Variants in SCN2A observed in about 807,000 individuals in gnomAD.
SCN2A encodes sodium voltage-gated channel alpha subunit 2, also known as sodium channel protein type 2 subunit alpha.
SCN2A carries 20 observed loss-of-function variants against 188.7 expected under a neutral mutation model. The observed-to-expected ratio is 0.11, with a 90% confidence interval of 0.07 to 0.15. The LOEUF is 0.15. SCN2A is among the 10% of genes least tolerant of loss of function. The pLI is 1.00. For synonymous variants in SCN2A, 804 were observed against 833.1 expected, an observed-to-expected ratio of 0.97 and a Z score of 0.60; for missense variants, 1,278 against 2,445.0, an observed-to-expected ratio of 0.52 and a Z score of 10.07.
In SCN2A at chr2:165,303,270, G is replaced by GTTTTTTTTTTTTTTTTT. The variant is rs71028477; in HGVS notation, c.387-4571_387-4555dup. Among the ~76,000 whole-genome samples the GTTTTTTTTTTTTTTTTT allele has an allele frequency of 4.6e-4, 42 of 91,312 alleles. 2 individuals are homozygous for GTTTTTTTTTTTTTTTTT. The highest frequency in any genetic ancestry group is 3.0e-3 in the East Asian group (8 of 2,674). 59.9% of individuals were successfully genotyped at this position (91,312 alleles called of 152,430 possible). On this transcript the variant is annotated intron_variant, in intron 3 of 26. Transcript: ENST00000375437. ...TTGTATTTGAGTTTTTGTTATTTGA[G>GTTTTTTTTTTTTTTTTT]TTTTTTTTTTTTTTTTTTTTTTTGA...
intron 14 of SCN2A, 85 bp from the exon 15 acceptor site, chr2:165,342,211 T>C (rs1160119328): frequency 7.8e-7 from 1 of 1,277,794 alleles, no homozygotes; most frequent in African/African-American, 1.5e-5. Flanking sequence ...TTAATTTATA[T>C]TTGTTGGGAG....
intron 1 of SCN2A, among the ~76,000 whole-genome samples, chr2:165,291,345 G>GTCATTCCTTCCTTCCT (rs1439152285): frequency 9.7e-6 from 1 of 102,682 alleles, no homozygotes; most frequent in African/African-American, 3.4e-5. Context: ...GGACTTGTCT[G>GTCATTCCTTCCTTCCT]TCGTTCGTTC....
At chr2:165,385,084 T>G (rs1393530084) in intron 25 of SCN2A, among the ~76,000 whole-genome samples, 1 of 152,046 alleles carries the variant, frequency 6.6e-6, no homozygotes, top group African/African-American at 2.4e-5. Context: ...CAAATACGCA[T>G]TCAGAGAAAA....
chr2:165,362,519 T>C (rs1700514493), intron 17 of SCN2A, among the ~76,000 whole-genome samples: 2 of 152,106 alleles, frequency 1.3e-5, no homozygotes, highest in Non-Finnish European at 2.9e-5. Context: ...AAATTGCTAA[T>C]TTGAACAGGC....
chr2:165,261,778 T>C (rs561941689), intron 1 of SCN2A, among the ~76,000 whole-genome samples: 4 of 152,268 alleles, frequency 2.6e-5, no homozygotes, highest in African/African-American at 9.6e-5. Context: ...GTGTTTTAGA[T>C]GGTTAAAAAA....
intron 14 of SCN2A, among the ~76,000 whole-genome samples, chr2:165,338,231 G>A (rs1314825438): frequency 6.6e-6 from 1 of 151,636 alleles, no homozygotes; most frequent in African/African-American, 2.4e-5. Context: ...TTATAACATA[G>A]GTAAGTGTAA....
At chr2:165,378,619 A>G (rs1015167298) in intron 23 of SCN2A, among the ~76,000 whole-genome samples, 1 of 151,756 alleles carries the variant, frequency 6.6e-6, no homozygotes, top group African/African-American at 2.4e-5. Context: ...AACCCTGACC[A>G]CAAATAATGG....
intron 1 of SCN2A, among the ~76,000 whole-genome samples, chr2:165,253,074 T>C (rs1339538662): frequency 6.6e-6 from 1 of 152,100 alleles, no homozygotes; most frequent in African/African-American, 2.4e-5. Context: ...TTGTAAGTTT[T>C]GCCTGTGCTA....
rs1553563950 is a variant in SCN2A at position 165,294,040 on chromosome 2, A to ATTT, written c.-51-1722_-51-1720dup. 4.6e-3 allele frequency: 2,863 copies of ATTT among 629,032 alleles called. 2 individuals are homozygous for ATTT. The highest frequency in any genetic ancestry group is 5.0e-3 in the Non-Finnish European group (2,665 of 533,298). The allele number at this position is 629,032 out of a possible 1,614,324, so 39.0% of individuals were successfully genotyped here. A position where few individuals can be genotyped will look rare whatever the true frequency, so the allele number is the denominator to read the frequency against. On this transcript the variant is annotated intron_variant, in intron 1 of 26. Coordinates refer to ENST00000375437, the MANE Select transcript of SCN2A (RefSeq NM_001040142.2). ...AAAAAAAAAAAAAAAAAAAAAAAAG[A>ATTT]TTTTTTTTTTTTTAAAGCATGATGG... is the stretch of plus-strand genomic sequence containing the variant.
At chr2:165,336,489 C>G (rs1305065508) in intron 14 of SCN2A, among the ~76,000 whole-genome samples, 3 of 151,896 alleles carry the variant, frequency 2.0e-5, no homozygotes, top group Non-Finnish European at 4.4e-5. Flanking sequence ...ACAAAATTTA[C>G]ATATCATATT....
intron 15 of SCN2A, 112 bp from the exon 16 acceptor site, chr2:165,344,443 T>C (rs1699464665): frequency 9.1e-6 from 6 of 657,930 alleles, no homozygotes; most frequent in African/African-American, 1.9e-5. Context: ...ACTTAAAGTA[T>C]AATAATAATA....
chr2:165,345,249 G>A (rs1450387294), intron 16 of SCN2A, among the ~76,000 whole-genome samples: 2 of 152,090 alleles, frequency 1.3e-5, no homozygotes, highest in Admixed American at 6.6e-5. Context: ...ACCTGAAAAC[G>A]TTTCAGATTT....
intron 14 of SCN2A, among the ~76,000 whole-genome samples, chr2:165,332,224 A>C (rs964871665): frequency 5.9e-5 from 9 of 152,054 alleles, no homozygotes; most frequent in Non-Finnish European, 1.0e-4. Flanking sequence ...ATGCTTATTA[A>C]GTTCCCAGCT....
chr2:165,330,009 G>A (rs1307108768), intron 13 of SCN2A, among the ~76,000 whole-genome samples: 1 of 152,258 alleles, frequency 6.6e-6, no homozygotes, highest in African/African-American at 2.4e-5. Context: ...TAGGAAAATA[G>A]TATTATAGAA....
At chr2:165,281,087 G>A (rs557862990) in intron 1 of SCN2A, among the ~76,000 whole-genome samples, 2 of 152,076 alleles carry the variant, frequency 1.3e-5, no homozygotes, top group Non-Finnish European at 2.9e-5. Context: ...CAGGCAAGGT[G>A]GCATGTGCCT....
At chr2:165,287,108 G>A (rs1045203234) in intron 1 of SCN2A, among the ~76,000 whole-genome samples, 4 of 152,160 alleles carry the variant, frequency 2.6e-5, no homozygotes, top group Non-Finnish European at 5.9e-5. Context: ...TTATTAAAAA[G>A]TTTTAGAGCA....
In SCN2A at chr2:165,276,902, G is replaced by T. The variant is rs527525605; in HGVS notation, c.-51-18871G>T. Reference sequence around the variant, plus strand: ...AAAATTAGTTCAATTCTGGATGGGCGCGGTGGCTCATGCCTATAATCCCAG... The same window carrying T: ...AAAATTAGTTCAATTCTGGATGGGCTCGGTGGCTCATGCCTATAATCCCAG... On this transcript the variant is annotated intron_variant, in intron 1 of 26. Coordinates refer to ENST00000375437, the MANE Select transcript of SCN2A (RefSeq NM_001040142.2). 1.2e-4 allele frequency among the ~76,000 whole-genome samples: 18 copies of T among 152,208 alleles called. 1 individual carries two copies. Among genetic ancestry groups the T allele is most frequent in the African/African-American group, 4.3e-4 (18 of 41,544 alleles).
intron 1 of SCN2A, among the ~76,000 whole-genome samples, chr2:165,276,823 C>T (rs1438452690): frequency 6.6e-6 from 1 of 152,148 alleles, no homozygotes; most frequent in East Asian, 1.9e-4. Flanking sequence ...TGTTCTGTGA[C>T]CACCTTCTGG....
chr2:165,284,183 T>C (rs1034292719), intron 1 of SCN2A, among the ~76,000 whole-genome samples: 7 of 152,074 alleles, frequency 4.6e-5, no homozygotes, highest in Non-Finnish European at 1.0e-4. Flanking sequence ...TATTTATTTA[T>C]TTTTTGAGAC....
Sources: allele counts gnomAD v4.1 joint callset (sites outside exome capture counted in the v4.1 genomes callset), GRCh38; gene constraint gnomAD v4.1.1; transcripts MANE v1.5; gene names NCBI Gene and HGNC (gene_info 2026-07-23, HGNC 2026-07-21).